The following DNAAF1 variants were observed in gnomAD, a reference collection of about 807,000 sequenced individuals.
DNAAF1 encodes the protein dynein assembly factor 1, axonemal.
In DNAAF1, 65 loss-of-function variants were observed where a neutral mutation model predicts 71.1. The observed-to-expected ratio is 0.91, with a 90% CI of 0.75 to 1.12. The LOEUF is 1.12. DNAAF1 is among the 50% of genes most tolerant of loss of function. DNAAF1 has a pLI of 0.00. For synonymous variants in DNAAF1, 414 were observed against 354.6 expected, an observed-to-expected ratio of 1.17 and a Z score of -1.88; for missense variants, 1,178 against 899.8, an observed-to-expected ratio of 1.31 and a Z score of -3.96.
At chr16:84,172,561 A>G in intron 9 of DNAAF1, 186 bp downstream of exon 9, 1 of 1,429,392 alleles carries the variant, frequency 7.0e-7, no homozygotes, top group Non-Finnish European at 9.2e-7. Flanking sequence ...ACTGATTAGA[A>G]TCCAACTTTC....
rs760674594 is a variant in DNAAF1, at chr16:84,176,313, G to A, written c.2065+14G>A. ...CCTCTTCTCCGGGTAAGAGCGTGGG[G>A]CCGAGAGCACAGTGGAGACAATGTT... is the stretch of plus-strand genomic sequence containing the variant. On this transcript the variant is annotated intron_variant, in intron 11 of 11. Coordinates refer to ENST00000378553, the MANE Select transcript of DNAAF1 (RefSeq NM_178452.6). 2.5e-6 allele frequency: 4 copies of A among 1,613,042 alleles called. No individual in the cohort carries two copies. Among genetic ancestry groups the A allele is most frequent in the African/African-American group, 1.3e-5 (1 of 75,048 alleles).
At chr16:84,147,311 G>A (rs1429857475) in intron 1 of DNAAF1, among the ~76,000 whole-genome samples, 1 of 152,234 alleles carries the variant, frequency 6.6e-6, no homozygotes, top group East Asian at 1.9e-4. Flanking sequence ...TTAAGAACCA[G>A]TCCCCACACG....
rs989161396 is a variant in DNAAF1, at chr16:84,175,477, C to T, written c.1699-456C>T. The T allele has an allele frequency of 2.0e-5, 4 of 204,126 alleles. No homozygotes were observed. The East Asian group carries it at 5.0e-4, about 25-fold the overall frequency. The allele number at this position is 204,126 out of a possible 1,614,324, so 12.6% of individuals were successfully genotyped here. A position where few individuals can be genotyped will look rare whatever the true frequency, so the allele number is the denominator to read the frequency against. ...GCCATTACTGGCATTACCAGGAGCC[C>T]ACACGTGCCAGACCCGTACCCTGAG... On this transcript the variant is annotated intron_variant, in intron 10 of 11. Transcript: ENST00000378553.
Position 84,159,802 on chromosome 16 carries a change from A to G in DNAAF1, c.863+6A>G, listed in dbSNP as rs1303480013. ...CCAGTGTTTCCAAAGGACAGGTAAG[A>G]AGAGAAAAGCCTTCTGATCACATTT... On this transcript the variant is annotated splice_donor_region_variant and intron_variant, in intron 6 of 11. Transcript: ENST00000378553. 6.2e-7 allele frequency: 1 copy of G among 1,613,588 alleles called. No individual in the cohort carries two copies. The highest frequency in any genetic ancestry group is 1.1e-5 in the South Asian group (1 of 91,052).
At chr16:84,174,630 G>T (rs550676070) in intron 9 of DNAAF1, 39 bp from the exon 10 acceptor site, 1 of 1,613,968 alleles carries the variant, frequency 6.2e-7, no homozygotes, top group Non-Finnish European at 8.5e-7. Flanking sequence ...GACAGTGCGT[G>T]TACCTCCCTG....
chr16:84,149,897 T>C (rs1349249959), intron 2 of DNAAF1, among the ~76,000 whole-genome samples: 2 of 146,076 alleles, frequency 1.4e-5, no homozygotes, highest in Non-Finnish European at 3.0e-5. Flanking sequence ...TGGTGGCGCA[T>C]GCCTGTAATC....
Position 84,165,818 on chromosome 16 carries a change from C to G in DNAAF1, c.899C>G (p.Ala300Gly), listed in dbSNP as rs1165216307. Residue 300 changes from alanine (A) to glycine (G), a missense_variant, in exon 7 of 12, where the codon GCA (alanine) becomes GGA (glycine). Transcript: ENST00000378553. ...CAEAWARGGY[A>G]AEKEERQQWE... Reference sequence around the variant, plus strand: ...GAGGCCTGGGCTAGGGGAGGGTACGCAGCTGAAAAGGAGGAGAGACAGCAG... The same window carrying G: ...GAGGCCTGGGCTAGGGGAGGGTACGGAGCTGAAAAGGAGGAGAGACAGCAG... 6.2e-7 allele frequency: 1 copy of G among 1,613,544 alleles called. No homozygotes were observed. Among genetic ancestry groups the G allele is most frequent in the Non-Finnish European group, 8.5e-7 (1 of 1,179,950 alleles).
In DNAAF1 at chr16:84,170,364, G is replaced by T; in HGVS notation, c.1528+8G>T. 25 of 1,613,614 alleles carry T rather than the reference G, an allele frequency of 1.5e-5. No homozygotes were observed. Among genetic ancestry groups the T allele is most frequent in the Non-Finnish European group, 2.1e-5 (25 of 1,180,018 alleles). ...TGGGAGCTGCCAGGGAAGGTAATGTGAGCGGAGAAACACACACAGACACAC... is the reference window on the plus strand; with the variant it reads ...TGGGAGCTGCCAGGGAAGGTAATGTTAGCGGAGAAACACACACAGACACAC... On this transcript the variant is annotated splice_region_variant and intron_variant, in intron 8 of 11. Coordinates refer to ENST00000378553, the MANE Select transcript of DNAAF1 (RefSeq NM_178452.6).
chr16:84,145,553 G>A lies in DNAAF1; in HGVS notation c.113G>A (p.Gly38Asp), dbSNP rs200992452. The change falls in exon 1 of 12, where the codon GGC becomes GAC. Residue 38 changes from glycine (G) to aspartate (D), a missense_variant. Gly to Asp is a moderately conservative substitution (Grantham distance 94). Transcript: ENST00000378553. ...AGDHGSAGRGGCKEEINDPKE... is the reference protein window; with the variant it reads ...AGDHGSAGRGDCKEEINDPKE... Reference sequence around the variant, plus strand: ...GACCACGGGAGCGCAGGCCGAGGGGGCTGCAAGGAAGGTGCCGACTGCCCC... The same window carrying A: ...GACCACGGGAGCGCAGGCCGAGGGGACTGCAAGGAAGGTGCCGACTGCCCC... 2.0e-5 allele frequency: 31 copies of A among 1,548,646 alleles called. No individual in the cohort carries two copies. Among genetic ancestry groups the A allele is most frequent in the Admixed American group, 5.9e-5 (3 of 50,998 alleles).
Position 84,165,117 on chromosome 16 carries a change from G to C in DNAAF1, c.864-666G>C, listed in dbSNP as rs188258599. Among the ~76,000 whole-genome samples the C allele has an allele frequency of 1.3e-3, 195 of 152,128 alleles. 2 individuals carry two copies. The highest frequency in any genetic ancestry group is 4.4e-3 in the African/African-American group (181 of 41,516). Reference sequence around the variant, plus strand: ...TTTATTGCGTTGTTTCCTTATCTTTGAATTTCAAAAGTTCTTTGTATGTTT... The same window carrying C: ...TTTATTGCGTTGTTTCCTTATCTTTCAATTTCAAAAGTTCTTTGTATGTTT... On this transcript the variant is annotated intron_variant, in intron 6 of 11. Coordinates refer to ENST00000378553, the MANE Select transcript of DNAAF1 (RefSeq NM_178452.6).
intron 3 of DNAAF1, among the ~76,000 whole-genome samples, chr16:84,153,568 T>G (rs1032814253): frequency 1.3e-5 from 2 of 152,200 alleles, no homozygotes; most frequent in African/African-American, 4.8e-5. Flanking sequence ...GATTATCTGT[T>G]GGCAGGAACA....
intron 5 of DNAAF1, among the ~76,000 whole-genome samples, chr16:84,158,457 A>T (rs1388082125): frequency 6.6e-6 from 1 of 152,116 alleles, no homozygotes; most frequent in Non-Finnish European, 1.5e-5. Context: ...TTTCAACTTC[A>T]TCGTGGTTTT....
At chr16:84,176,518 C>G (rs2088671974) in intron 11 of DNAAF1, 1 of 688,124 alleles carries the variant, frequency 1.5e-6, no homozygotes, top group African/African-American at 1.8e-5. Context: ...AGCCACCGAG[C>G]CAGCCTCCTC....
intron 1 of DNAAF1, 147 bp from the exon 2 acceptor site, chr16:84,148,860 G>C (rs2087050970): frequency 1.1e-6 from 1 of 895,616 alleles, no homozygotes; most frequent in Non-Finnish European, 1.8e-6. Flanking sequence ...AAAGAGCTGG[G>C]ATTACAGGCC....
intron 1 of DNAAF1, 133 bp downstream of exon 1, chr16:84,145,697 C>G: frequency 8.3e-7 from 1 of 1,208,530 alleles, no homozygotes; most frequent in South Asian, 1.5e-5. Flanking sequence ...GCAAGCAACG[C>G]TCTGCAGTAG....
chr16:84,175,151 C>T (rs2088586160), intron 10 of DNAAF1: 2 of 239,124 alleles, frequency 8.4e-6, no homozygotes, highest in Non-Finnish European at 1.7e-5. Flanking sequence ...CCACCGCACC[C>T]AGCCCACATC....
chr16:84,158,209 CA>C (rs544177302), intron 5 of DNAAF1, among the ~76,000 whole-genome samples: 19 of 147,044 alleles, frequency 1.3e-4, no homozygotes, highest in Non-Finnish European at 4.5e-5. Context: ...GCTCTGTCTC[CA>C]AAAAAAAACA....
In DNAAF1 at chr16:84,161,646, G is replaced by A. The variant is rs185251646; in HGVS notation, c.863+1850G>A. Among the ~76,000 whole-genome samples the A allele has an allele frequency of 1.1e-3, 170 of 151,996 alleles. 1 individual carries two copies. The highest frequency in any genetic ancestry group is 4.0e-3 in the African/African-American group (164 of 41,442). On this transcript the variant is annotated intron_variant, in intron 6 of 11. Coordinates refer to ENST00000378553, the MANE Select transcript of DNAAF1 (RefSeq NM_178452.6). Reference sequence around the variant, plus strand: ...CTCCCAAAGCTCTGAGGCTCCGAAAGCCTCACAGGCATGAGCCACCACACC... The same window carrying A: ...CTCCCAAAGCTCTGAGGCTCCGAAAACCTCACAGGCATGAGCCACCACACC...
At chr16:84,176,407 G>T in intron 11 of DNAAF1, 108 bp downstream of exon 11, 1 of 1,538,408 alleles carries the variant, frequency 6.5e-7, no homozygotes, top group East Asian at 2.3e-5. Flanking sequence ...CATGTTGCTG[G>T]AGGGGTCACC....
Sources: allele counts gnomAD v4.1 joint callset (sites outside exome capture counted in the v4.1 genomes callset), GRCh38; gene constraint gnomAD v4.1.1; transcripts MANE v1.5; gene names NCBI Gene and HGNC (gene_info 2026-07-23, HGNC 2026-07-21).